ADAMTS7: variants seen among roughly 807,000 people sequenced by gnomAD.
ADAMTS7 encodes the protein A disintegrin and metalloproteinase with thrombospondin motifs 7.
In ADAMTS7, 89 loss-of-function variants were observed where a neutral mutation model predicts 172.6. The observed-to-expected ratio is 0.52, with a 90% confidence interval of 0.43 to 0.61. The LOEUF is 0.61. Among genes scored for constraint, ADAMTS7 ranks in the 20% least tolerant of loss-of-function variants. The pLI is 0.00. For missense variants in ADAMTS7, 1,973 were observed against 2,355.6 expected (o/e 0.84, Z 3.36); for synonymous variants, 885 against 978.4 (o/e 0.90, Z 1.78).
In ADAMTS7 at chr15:78,800,305, C is replaced by T. The variant is rs751534998; in HGVS notation, c.343G>A (p.Gly115Ser). 21 of 1,587,442 alleles carry T rather than the reference C, an allele frequency of 1.3e-5. No individual in the cohort carries two copies. The highest frequency in any genetic ancestry group is 1.8e-5 in the Non-Finnish European group (21 of 1,171,352). The change falls in exon 2 of 24, where the codon GGC becomes AGC. Residue 115 changes from glycine to serine, a missense_variant. Transcript: ENST00000388820. ...GCCCGGATGTGCGCGCGGCCCAGGC[C>T]GCCGCGCCGCCGCGTCTCGCTCACA... ...GFVSETRRRG[G>S]LGRAHIRAHT...
rs1046741540 is a variant in ADAMTS7, at chr15:78,800,273, G to T, written c.375C>A (p.Thr125=). Residue 125 remains threonine, a synonymous_variant, in exon 2 of 24, where the codon ACC becomes ACA. Coordinates refer to ENST00000388820, the MANE Select transcript of ADAMTS7 (RefSeq NM_014272.5). ...GLGRAHIRAH[T]PACHLLGEVQ... The stretch of plus-strand genomic sequence containing the variant: ...CCTCGCCAAGCAGGTGGCAGGCCGG[G>T]GTGTGGGCCCGGATGTGCGCGCGGC... The T allele has an allele frequency of 3.8e-6, 6 of 1,595,006 alleles. No homozygotes were observed. The African/African-American group carries it at 8.1e-5, about 21-fold the overall frequency.
intron 4 of ADAMTS7, among the ~76,000 whole-genome samples, chr15:78,795,104 T>C (rs2055626249): frequency 6.6e-6 from 1 of 152,192 alleles, no homozygotes; most frequent in Non-Finnish European, 1.5e-5. Context: ...CATTGGTGGC[T>C]CAAGTCAGCC....
chr15:78,771,281 G>A lies in ADAMTS7; in HGVS notation c.2399C>T (p.Pro800Leu). Residue 800 changes from proline (P) to leucine (L), a missense_variant, in exon 16 of 24, where the codon CCT becomes CTT. Pro to Leu is a moderately conservative substitution (Grantham distance 98). This residue lies in a region of ADAMTS7 where 771 missense variants were observed against 952.6 expected (regional missense o/e 0.81). Transcript: ENST00000388820. The surrounding 1 kb of genome is among the most constrained non-coding windows in gnomAD (Gnocchi z 4.9). ...WIQLLFQESN[P>L]GVHYEYTIHR... ...GATGGTGTACTCGTAGTGCACCCCA[G>A]GGTTGCTCTCCTGGAACAGCAGCTG... is the stretch of plus-strand genomic sequence containing the variant. The A allele has an allele frequency of 2.5e-6, 4 of 1,612,842 alleles. No homozygotes were observed. Among genetic ancestry groups the A allele is most frequent in the African/African-American group, 1.3e-5 (1 of 75,016 alleles).
intron 4 of ADAMTS7, among the ~76,000 whole-genome samples, chr15:78,796,046 C>CCA (rs2055639031): frequency 6.6e-6 from 1 of 152,158 alleles, no homozygotes; most frequent in Non-Finnish European, 1.5e-5. Context: ...GTCGTCATGC[C>CCA]CAGTTCACAG....
In ADAMTS7 at chr15:78,811,308, G is replaced by C. The variant is rs1304124137; in HGVS notation, c.-88C>G. ...GCTGCCTGGTCCCAGGTCCGGCTCA[G>C]GACATGCCCGGCCGGCGTGCAGCTC... On this transcript the variant is annotated 5_prime_UTR_variant, in exon 1 of 24. Transcript: ENST00000388820. 3.4e-5 allele frequency: 41 copies of C among 1,213,140 alleles called. No individual in the cohort carries two copies. Among genetic ancestry groups the C allele is most frequent in the Non-Finnish European group, 4.0e-5 (39 of 975,174 alleles). 75.1% of individuals were successfully genotyped at this position (1,213,140 alleles called of 1,614,324 possible).
chr15:78,765,615 C>T (rs769783124), intron 19 of ADAMTS7, 30 bp downstream of exon 19: 1 of 1,598,460 alleles, frequency 6.3e-7, no homozygotes, highest in South Asian at 1.1e-5. Context: ...CCTGCGCAAA[C>T]TCCCTGCCCG....
At chr15:78,776,618 G>T in intron 10 of ADAMTS7, 131 bp downstream of exon 10, 4 of 1,014,630 alleles carry the variant, frequency 3.9e-6, no homozygotes, top group Non-Finnish European at 5.8e-6. Flanking sequence ...TGGGGGCTTG[G>T]GCTGCAGAGA....
At position 78,768,144 on chromosome 15, in the gene ADAMTS7, G is replaced by A; in HGVS notation, c.2634C>T (p.Pro878=). ...DDQQRKCSEQ[P]CPARWWAGEW... is the part of the protein sequence containing the mutation. ...GGGGGCGGGCTCACCTGGCAGGGCA[G>A]GGCTGCTCGCTGCACTTCCTCTGTT... is the stretch of plus-strand genomic sequence containing the variant. The change falls in exon 17 of 24, where the codon CCC becomes CCT. Residue 878 remains proline, a synonymous_variant. Coordinates refer to ENST00000388820, the MANE Select transcript of ADAMTS7 (RefSeq NM_014272.5). 1 of 1,593,574 alleles carries A rather than the reference G, an allele frequency of 6.3e-7. No homozygotes were observed. Among genetic ancestry groups the A allele is most frequent in the Non-Finnish European group, 8.5e-7 (1 of 1,171,986 alleles).
At chr15:78,764,514 C>T (rs1458346625) in intron 20 of ADAMTS7, 41 bp downstream of exon 20, 2 of 1,522,316 alleles carry the variant, frequency 1.3e-6, no homozygotes, top group Non-Finnish European at 8.8e-7. Context: ...GGCTCCACCC[C>T]ATGCCCTGGG....
Position 78,800,545 on chromosome 15 carries a change from G to C in ADAMTS7, c.103C>G (p.Arg35Gly). ...AGTGCCGCCCGGCCCTCGGTTGCAC[G>C]TCCTGCAGGGAGAGAACCACAAACG... ...APGAPGPAPGRATEGRAALDI... is the reference protein window; with the variant it reads ...APGAPGPAPGGATEGRAALDI... Residue 35 changes from arginine to glycine, a missense_variant and splice_region_variant, in exon 2 of 24, where the codon CGT becomes GGT. This residue lies in a region of ADAMTS7 where 306 missense variants were observed against 288.0 expected (regional missense o/e 1.06). Transcript: ENST00000388820. 6.3e-7 allele frequency: 1 copy of C among 1,588,118 alleles called. No individual in the cohort carries two copies. The highest frequency in any genetic ancestry group is 8.6e-7 in the Non-Finnish European group (1 of 1,167,670).
intron 8 of ADAMTS7, 124 bp from the exon 9 acceptor site, chr15:78,777,712 C>G: frequency 8.0e-7 from 1 of 1,255,142 alleles, no homozygotes; most frequent in East Asian, 2.5e-5. Flanking sequence ...GTAGGAAACT[C>G]CAGCCTCCCC....
chr15:78,801,184 A>T (rs983024162), intron 1 of ADAMTS7, among the ~76,000 whole-genome samples: 1 of 152,164 alleles, frequency 6.6e-6, no homozygotes, highest in African/African-American at 2.4e-5. Context: ...TACTCTGCTC[A>T]TCGTCTTACT....
At position 78,768,222 on chromosome 15, in the gene ADAMTS7, C is replaced by T; in HGVS notation, c.2556G>A (p.Gln852=). ...AGTGCTCCTCGTCCACGGGCCCTGC[C>T]TGCCGCTCCAAGCAGTACACATTCT... ...QRQNVYCLER[Q]AGPVDEEHCD... Residue 852 remains glutamine (Q), a synonymous_variant, in exon 17 of 24, where the codon CAG becomes CAA. Coordinates refer to ENST00000388820, the MANE Select transcript of ADAMTS7 (RefSeq NM_014272.5). 6.2e-7 allele frequency: 1 copy of T among 1,610,790 alleles called. No homozygotes were observed. Among genetic ancestry groups the T allele is most frequent in the South Asian group, 1.1e-5 (1 of 90,940 alleles).
chr15:78,790,940 T>C, intron 5 of ADAMTS7, 146 bp from the exon 6 acceptor site: 1 of 1,358,198 alleles, frequency 7.4e-7, no homozygotes, highest in South Asian at 1.3e-5. Flanking sequence ...AGCCTGACCA[T>C]CCCTCCTGTA....
rs1596170768 is a variant in ADAMTS7 at position 78,763,920 on chromosome 15, C to T, written c.4593+6G>A. 5 of 1,550,312 alleles carry T rather than the reference C, an allele frequency of 3.2e-6. No individual in the cohort carries two copies. Among genetic ancestry groups the T allele is most frequent in the Non-Finnish European group, 4.4e-6 (5 of 1,148,082 alleles). ...CCCTCCCCCCAACTCAACGGCCAGG[C>T]CTCACCTCCCTCCAGGAAGATGTGT... On this transcript the variant is annotated splice_donor_region_variant and intron_variant, in intron 21 of 23. Coordinates refer to ENST00000388820, the MANE Select transcript of ADAMTS7 (RefSeq NM_014272.5).
Position 78,774,273 on chromosome 15 carries a change from G to C in ADAMTS7, c.1904C>G (p.Pro635Arg). ...CTTCTCGGCAAAGTACTCATTCGCG[G>C]GCCGGCAGTGCAGCTCGCAGGGGTT... ...DVNPCELHCRPANEYFAEKLR... is the reference protein window; with the variant it reads ...DVNPCELHCRRANEYFAEKLR... Residue 635 changes from proline to arginine, a missense_variant, in exon 13 of 24, where the codon CCC becomes CGC. Transcript: ENST00000388820. 2 of 1,576,348 alleles carry C rather than the reference G, an allele frequency of 1.3e-6. No homozygotes were observed. The highest frequency in any genetic ancestry group is 1.7e-6 in the Non-Finnish European group (2 of 1,170,600).
intron 8 of ADAMTS7, among the ~76,000 whole-genome samples, chr15:78,784,351 C>G (rs573341503): frequency 2.6e-5 from 3 of 116,598 alleles, no homozygotes; most frequent in African/African-American, 1.0e-4. Context: ...GGCAACAAAG[C>G]GAGACTCAAA....
rs769436545 is a variant in ADAMTS7 at position 78,768,181 on chromosome 15, C to T, written c.2597G>A (p.Arg866Gln). Residue 866 changes from arginine (R) to glutamine (Q), a missense_variant, in exon 17 of 24, where the codon CGG becomes CAG. Around this residue, in one of 8 missense-constraint regions of ADAMTS7, gnomAD observed 771 missense variants for 952.6 expected, o/e 0.81. Transcript: ENST00000388820. ...GCACTTCCTCTGTTGGTCATCAGGC[C>T]GGCCCAGGGGGTCACAGTGCTCCTC... ...VDEEHCDPLGRPDDQQRKCSE... is the reference protein window; with the variant it reads ...VDEEHCDPLGQPDDQQRKCSE... 1.2e-5 allele frequency: 19 copies of T among 1,608,774 alleles called. No homozygotes were observed. The highest frequency in any genetic ancestry group is 1.7e-5 in the Admixed American group (1 of 59,766).
chr15:78,785,754 A>G (rs1325085686), intron 8 of ADAMTS7, among the ~76,000 whole-genome samples: 2 of 152,142 alleles, frequency 1.3e-5, no homozygotes, highest in Admixed American at 6.5e-5. Context: ...CTTCCAGATA[A>G]TATCTAAACT....
Sources: gnomAD v4.1 joint callset for allele counts (sites outside exome capture counted in the v4.1 genomes callset) on GRCh38, gnomAD v4.1.1 for gene constraint, gnomAD v4.1.1 regional missense constraint, Gnocchi (gnomAD v3.1) non-coding constraint, MANE v1.5 for transcripts, NCBI Gene and HGNC (gene_info 2026-07-23, HGNC 2026-07-21) for gene names.